Variants in DLG2 observed in about 807,000 individuals in gnomAD.
DLG2 encodes the protein disks large homolog 2.
DLG2 carries 45 observed loss-of-function variants against 132.5 expected under a neutral mutation model. The observed-to-expected ratio is 0.34, with a 90% CI of 0.27 to 0.44. The LOEUF is 0.44. Among genes scored for constraint, DLG2 ranks in the 20% least tolerant of loss-of-function variants. DLG2 has a pLI of 1.00. For synonymous variants in DLG2, 424 were observed against 419.6 expected (o/e 1.01, Z -0.13); for missense variants, 1,045 against 1,196.9 (o/e 0.87, Z 1.87).
chr11:84,463,477 T>C (rs912684039), intron 7 of DLG2, among the ~76,000 whole-genome samples: 12 of 151,146 alleles, frequency 7.9e-5, no homozygotes, highest in African/African-American at 2.9e-4. Flanking sequence ...AATACTCTTG[T>C]TGTCTGGAAA....
intron 3 of DLG2, among the ~76,000 whole-genome samples, chr11:85,403,474 G>A (rs1432298133): frequency 4.0e-5 from 6 of 151,586 alleles, no homozygotes; most frequent in Admixed American, 3.3e-4. Context: ...ATATACCGTA[G>A]AACTTAAAGT....
intron 7 of DLG2, among the ~76,000 whole-genome samples, chr11:84,273,628 T>A (rs145043839): frequency 6.6e-6 from 1 of 152,228 alleles, no homozygotes; most frequent in African/African-American, 2.4e-5. Flanking sequence ...AAGATTTGGG[T>A]GGCAGGTCAT....
intron 7 of DLG2, among the ~76,000 whole-genome samples, chr11:84,352,371 C>T (rs1347290715): frequency 2.0e-5 from 3 of 152,116 alleles, no homozygotes; most frequent in Admixed American, 6.5e-5. Flanking sequence ...ATGTATGAAG[C>T]CCTTGACACA....
At chr11:84,421,959 T>G (rs1601838560) in intron 7 of DLG2, among the ~76,000 whole-genome samples, 1 of 152,322 alleles carries the variant, frequency 6.6e-6, no homozygotes, top group Non-Finnish European at 1.5e-5. Context: ...TTCTGTCTAC[T>G]TCTCCTGTTG....
intron 19 of DLG2, among the ~76,000 whole-genome samples, chr11:83,617,436 T>C (rs1037867994): frequency 2.6e-5 from 4 of 152,258 alleles, no homozygotes; most frequent in African/African-American, 9.6e-5. Flanking sequence ...TTGTTTAGTA[T>C]TGTTATATGG....
intron 3 of DLG2, among the ~76,000 whole-genome samples, chr11:85,543,571 C>T (rs1321810161): frequency 2.0e-5 from 3 of 152,162 alleles, no homozygotes; most frequent in African/African-American, 7.2e-5. Flanking sequence ...CACTGTCTTC[C>T]ACAATGGTTG....
chr11:85,438,230 TG>T (rs1201113998), intron 3 of DLG2, among the ~76,000 whole-genome samples: 2 of 152,180 alleles, frequency 1.3e-5, no homozygotes, highest in Non-Finnish European at 2.9e-5. Context: ...ATAAGACATC[TG>T]CCCCCATGAC....
intron 17 of DLG2, among the ~76,000 whole-genome samples, chr11:83,806,246 A>T (rs1224112673): frequency 2.6e-5 from 4 of 151,998 alleles, no homozygotes; most frequent in Non-Finnish European, 5.9e-5. Flanking sequence ...TTTTATTATT[A>T]TTTTTCAGGT....
chr11:84,602,990 A>G (rs1024551312), intron 6 of DLG2, among the ~76,000 whole-genome samples: 4 of 152,068 alleles, frequency 2.6e-5, no homozygotes, highest in Non-Finnish European at 5.9e-5. Flanking sequence ...AGAAAATTCT[A>G]ATTTAGAATC....
intron 6 of DLG2, among the ~76,000 whole-genome samples, chr11:84,907,986 A>G (rs1338409617): frequency 1.3e-5 from 2 of 152,124 alleles, no homozygotes; most frequent in African/African-American, 4.8e-5. Context: ...ATTCTTACCC[A>G]TCCTATCTGT....
At chr11:84,267,507 A>ATCTTAAAG (rs1206785435) in intron 7 of DLG2, among the ~76,000 whole-genome samples, 2 of 152,156 alleles carry the variant, frequency 1.3e-5, no homozygotes, top group African/African-American at 4.8e-5. Context: ...ACTGGCCCCT[A>ATCTTAAAG]TCTTAAAGTT....
Position 83,833,662 on chromosome 11 carries a change from T to C in DLG2, c.1674A>G (p.Gly558=), listed in dbSNP as rs12574806. The C allele has an allele frequency of 5.0e-4, 809 of 1,614,064 alleles. 11 individuals are homozygous for C. In the East Asian group the frequency reaches 0.014, roughly 28 times the overall value. Residue 558 remains glycine, a synonymous_variant, in exon 17 of 28, where the codon GGA becomes GGG. Coordinates refer to ENST00000376104, the MANE Select transcript of DLG2 (RefSeq NM_001142699.3). Reference sequence around the variant, plus strand: ...GGAGCTCCCCACTTAGGTCTGCTGGTCCACCAGCCAGAATGAAGGACACAA... The same window carrying C: ...GGAGCTCCCCACTTAGGTCTGCTGGCCCACCAGCCAGAATGAAGGACACAA... ...GIFVSFILAG[G]PADLSGELQR...
intron 19 of DLG2, among the ~76,000 whole-genome samples, chr11:83,584,438 A>G (rs986852336): frequency 2.6e-5 from 4 of 152,206 alleles, no homozygotes; most frequent in African/African-American, 7.2e-5. Flanking sequence ...ACCAAAAATG[A>G]ATAACTTAAG....
At chr11:84,416,259 T>A (rs939534823) in intron 7 of DLG2, among the ~76,000 whole-genome samples, 11 of 152,318 alleles carry the variant, frequency 7.2e-5, no homozygotes, top group Admixed American at 2.6e-4. Context: ...GAGACTAACA[T>A]TCAATGCTTC....
intron 3 of DLG2, among the ~76,000 whole-genome samples, chr11:85,501,275 G>A (rs1046400505): frequency 1.3e-5 from 2 of 152,076 alleles, no homozygotes; most frequent in African/African-American, 4.8e-5. Flanking sequence ...AACTCAACAT[G>A]GACCAAAGAC....
In DLG2 at chr11:84,323,028, G is replaced by GT. The variant is rs199752955; in HGVS notation, c.520-71738dup. Among the ~76,000 whole-genome samples, 597 of 148,868 alleles carry GT rather than the reference G, an allele frequency of 4.0e-3. 15 individuals are homozygous for GT. Among genetic ancestry groups the GT allele is most frequent in the Admixed American group, 0.03 (453 of 14,932 alleles). ...TTATCCATAGCAAGTATTTTCTTTA[G>GT]TTTTTTTTTTAAGTTGTGGTAAAAA... is the stretch of plus-strand genomic sequence containing the variant. On this transcript the variant is annotated intron_variant, in intron 7 of 27. Transcript: ENST00000376104.
chr11:83,614,293 C>T lies in DLG2; in HGVS notation c.1940+18918G>A, dbSNP rs146639200. 2.0e-3 allele frequency among the ~76,000 whole-genome samples: 297 copies of T among 152,190 alleles called. 1 individual carries two copies. Among genetic ancestry groups the T allele is most frequent in the African/African-American group, 6.8e-3 (282 of 41,506 alleles). ...GGGATATCAACAGTTGTTTGTAAAA[C>T]GAATGAATGAAAAAGTTTGAGGTCG... is the stretch of plus-strand genomic sequence containing the variant. On this transcript the variant is annotated intron_variant, in intron 19 of 27. Coordinates refer to ENST00000376104, the MANE Select transcript of DLG2 (RefSeq NM_001142699.3).
chr11:85,469,182 A>C (rs1041628593), intron 3 of DLG2, among the ~76,000 whole-genome samples: 3 of 152,220 alleles, frequency 2.0e-5, no homozygotes, highest in African/African-American at 7.2e-5. Context: ...AATATAGCTC[A>C]AATATGACTG....
chr11:84,043,208 A>G (rs1166766741), intron 11 of DLG2, among the ~76,000 whole-genome samples: 3 of 151,574 alleles, frequency 2.0e-5, no homozygotes, highest in Middle Eastern at 3.4e-3. Flanking sequence ...AAATAAATAA[A>G]TTTAAAAAAT....
Sources: allele counts gnomAD v4.1 joint callset (sites outside exome capture counted in the v4.1 genomes callset), GRCh38; gene constraint gnomAD v4.1.1; transcripts MANE v1.5; gene names NCBI Gene and HGNC (gene_info 2026-07-23, HGNC 2026-07-21).